The following CSMD3 variants were observed in gnomAD, a reference collection of about 807,000 sequenced individuals.
The protein encoded by CSMD3 is CUB and Sushi multiple domains 3, also known as CUB and sushi domain-containing protein 3.
In CSMD3, 177 loss-of-function variants were observed where a neutral mutation model predicts 435.2. The observed-to-expected ratio is 0.41, with a 90% CI of 0.36 to 0.46. CSMD3 has a LOEUF of 0.46. CSMD3 is among the 20% of genes least tolerant of loss of function. CSMD3 has a pLI of 0.34. For missense variants in CSMD3, 4,265 were observed against 4,504.6 expected (o/e 0.95, Z 1.52); for synonymous variants, 1,656 against 1,520.5 (o/e 1.09, Z -2.07).
At chr8:113,318,644 TA>T (rs528884477) in intron 1 of CSMD3, among the ~76,000 whole-genome samples, 58 of 152,052 alleles carry the variant, frequency 3.8e-4, no homozygotes, top group South Asian at 3.1e-3. Flanking sequence ...TTAAGCTTTT[TA>T]AAAAAAATAT....
At chr8:112,374,079 T>C (rs376039684) in intron 38 of CSMD3, among the ~76,000 whole-genome samples, 1 of 152,188 alleles carries the variant, frequency 6.6e-6, no homozygotes, top group African/African-American at 2.4e-5. Flanking sequence ...TGTAAGGCAA[T>C]ACTTAGTCTT....
chr8:112,408,497 C>A (rs1832054577), intron 33 of CSMD3, 84 bp from the exon 34 acceptor site: 13 of 882,372 alleles, frequency 1.5e-5, no homozygotes, highest in South Asian at 6.6e-5. Flanking sequence ...CTTACACTGT[C>A]ATTTGAAAAT....
intron 8 of CSMD3, 84 bp downstream of exon 8, chr8:112,954,598 ATT>A (rs2083942297): frequency 2.5e-6 from 2 of 785,492 alleles, no homozygotes; most frequent in Admixed American, 3.8e-5. Context: ...ATACACAAAT[ATT>A]TTGGTAAAAC....
rs907954156 is a variant in CSMD3, at chr8:112,869,783, C to T, written c.1634-10517G>A. Among the ~76,000 whole-genome samples the T allele has an allele frequency of 3.3e-5, 5 of 152,226 alleles. No individual in the cohort carries two copies. The East Asian group carries it at 9.7e-4, about 29-fold the overall frequency. On this transcript the variant is annotated intron_variant, in intron 10 of 70. Transcript: ENST00000297405. ...AATTCTCAGCAAACTAACACAGAAA[C>T]AGAAAATCAAACACCACATGTTCTC...
chr8:112,876,592 T>C (rs1235071139), intron 10 of CSMD3, among the ~76,000 whole-genome samples: 1 of 152,096 alleles, frequency 6.6e-6, no homozygotes, highest in Non-Finnish European at 1.5e-5. Flanking sequence ...CACATGATTA[T>C]CTCAATAGAT....
intron 2 of CSMD3, among the ~76,000 whole-genome samples, chr8:113,279,421 C>A (rs906692731): frequency 1.3e-4 from 19 of 151,398 alleles, no homozygotes; most frequent in African/African-American, 4.6e-4. Context: ...ACATTAACAT[C>A]CAAATCATTT....
At chr8:112,650,567 T>G (rs999277693) in intron 18 of CSMD3, among the ~76,000 whole-genome samples, 8 of 152,216 alleles carry the variant, frequency 5.3e-5, no homozygotes, top group African/African-American at 1.7e-4. Flanking sequence ...AAGAACTTGA[T>G]GAAAATGTAT....
At chr8:112,696,778 G>A (rs1165462206) in intron 13 of CSMD3, among the ~76,000 whole-genome samples, 2 of 151,670 alleles carry the variant, frequency 1.3e-5, no homozygotes, top group African/African-American at 2.4e-5. Flanking sequence ...TACCATCAGA[G>A]TGAACAGGCA....
At chr8:113,224,953 A>C (rs2093009945) in intron 3 of CSMD3, among the ~76,000 whole-genome samples, 1 of 151,408 alleles carries the variant, frequency 6.6e-6, no homozygotes, top group Admixed American at 6.6e-5. Flanking sequence ...CTTGAAAGGT[A>C]AAATTTTCTA....
Position 112,341,685 on chromosome 8 carries a change from A to G in CSMD3, c.6444T>C (p.Gly2148=). The change falls in exon 42 of 71, where the codon GGT becomes GGC. Residue 2148 remains glycine (G), a splice_region_variant and synonymous_variant. Transcript: ENST00000297405. Reference sequence around the variant, plus strand: ...AAAAATTTACAAACTGGAGATGTACACCTGAAGAAGAAAACAAACAGAATG... The same window carrying G: ...AAAAATTTACAAACTGGAGATGTACGCCTGAAGAAGAAAACAAACAGAATG... ...TWTINLPIGF[G]VHLQFVNFST... 1 of 1,581,874 alleles carries G rather than the reference A, an allele frequency of 6.3e-7. No homozygotes were observed. Among genetic ancestry groups the G allele is most frequent in the Non-Finnish European group, 8.7e-7 (1 of 1,151,208 alleles).
intron 6 of CSMD3, among the ~76,000 whole-genome samples, chr8:112,976,878 A>T (rs1379206232): frequency 6.6e-6 from 1 of 151,886 alleles, no homozygotes; most frequent in Non-Finnish European, 1.5e-5. Context: ...ATTATACAGC[A>T]CGTAACTTTA....
At chr8:113,200,261 T>C (rs1268500912) in intron 3 of CSMD3, among the ~76,000 whole-genome samples, 1 of 151,774 alleles carries the variant, frequency 6.6e-6, no homozygotes, top group Non-Finnish European at 1.5e-5. Flanking sequence ...ATACTGCACA[T>C]TTGCGCCCTT....
intron 10 of CSMD3, among the ~76,000 whole-genome samples, chr8:112,866,963 G>A (rs2081002092): frequency 6.6e-6 from 1 of 152,112 alleles, no homozygotes; most frequent in South Asian, 2.1e-4. Flanking sequence ...TAGCCCAGAC[G>A]AAGAGAGATG....
At chr8:112,486,067 T>C (rs1271078756) in intron 31 of CSMD3, among the ~76,000 whole-genome samples, 1 of 151,852 alleles carries the variant, frequency 6.6e-6, no homozygotes, top group African/African-American at 2.4e-5. Flanking sequence ...CAGAGTTGTA[T>C]TTCAGATGAA....
chr8:113,006,716 GA>G (rs1307342971), intron 6 of CSMD3, among the ~76,000 whole-genome samples: 9 of 151,952 alleles, frequency 5.9e-5, no homozygotes, highest in African/African-American at 1.4e-4. Context: ...CCGATAAAAT[GA>G]GGTCATTTGG....
At chr8:112,878,392 G>A (rs1376336384) in intron 10 of CSMD3, among the ~76,000 whole-genome samples, 1 of 152,118 alleles carries the variant, frequency 6.6e-6, no homozygotes, top group Non-Finnish European at 1.5e-5. Context: ...AGTTAGAATG[G>A]CAATCATAAA....
chr8:112,496,596 A>G (rs1022218989), intron 30 of CSMD3, among the ~76,000 whole-genome samples: 3 of 152,242 alleles, frequency 2.0e-5, no homozygotes, highest in Admixed American at 1.3e-4. Flanking sequence ...AAAGTGGCAC[A>G]TATATACAAT....
chr8:112,763,236 G>T, intron 13 of CSMD3, among the ~76,000 whole-genome samples: 1 of 151,522 alleles, frequency 6.6e-6, no homozygotes, highest in Admixed American at 6.6e-5. Context: ...ATGATAAAAT[G>T]AAAAAATCTT....
intron 13 of CSMD3, among the ~76,000 whole-genome samples, chr8:112,740,802 G>A (rs2077288909): frequency 6.6e-6 from 1 of 151,792 alleles, no homozygotes; most frequent in Non-Finnish European, 1.5e-5. Context: ...ACACACAGAG[G>A]TCCTTCCAAC....
Sources: gnomAD v4.1 joint callset for allele counts (sites outside exome capture counted in the v4.1 genomes callset) on GRCh38, gnomAD v4.1.1 for gene constraint, MANE v1.5 for transcripts, NCBI Gene and HGNC (gene_info 2026-07-23, HGNC 2026-07-21) for gene names.